SGSM1: variants seen among roughly 807,000 people sequenced by gnomAD.
SGSM1 encodes RUN and TBC1 domain containing 2.
In SGSM1, 73 loss-of-function variants were observed where a neutral mutation model predicts 133.8. The ratio of observed to expected loss-of-function variants is 0.55; its 90% CI spans 0.45 to 0.66. The LOEUF (loss-of-function observed/expected upper bound fraction) is 0.66. Ranked by LOEUF, SGSM1 falls within the 30% of genes least tolerant of loss-of-function variation. The pLI is 0.00. For synonymous variants in SGSM1, 563 were observed against 573.0 expected, an observed-to-expected ratio of 0.98 and a Z score of 0.25; for missense variants, 1,213 against 1,448.1, an observed-to-expected ratio of 0.84 and a Z score of 2.64.
chr22:24,841,637 G>C (rs185198355), intron 2 of SGSM1, among the ~76,000 whole-genome samples: 7 of 152,366 alleles, frequency 4.6e-5, no homozygotes, highest in African/African-American at 1.7e-4. Context: ...TGATTCAGGG[G>C]AGAGGTGATG....
chr22:24,873,376 C>T (rs990407949), intron 12 of SGSM1, among the ~76,000 whole-genome samples: 2 of 152,026 alleles, frequency 1.3e-5, no homozygotes, highest in African/African-American at 2.4e-5. Context: ...GTGTTTTCTA[C>T]GATGTTGAGC....
At chr22:24,905,976 C>G (rs1933363050) in intron 21 of SGSM1, among the ~76,000 whole-genome samples, 1 of 151,954 alleles carries the variant, frequency 6.6e-6, no homozygotes, top group African/African-American at 2.4e-5. Context: ...GAAAACTACA[C>G]ACCAATATCC....
chr22:24,845,999 TTC>T (rs1189818320), intron 3 of SGSM1, among the ~76,000 whole-genome samples: 1 of 140,940 alleles, frequency 7.1e-6, no homozygotes, highest in African/African-American at 2.6e-5. Context: ...CTTTCTTTCT[TTC>T]TTTCTTTCTT....
intron 2 of SGSM1, among the ~76,000 whole-genome samples, chr22:24,808,589 GT>G (rs569265363): frequency 1.5e-4 from 23 of 152,192 alleles, no homozygotes; most frequent in Non-Finnish European, 2.4e-4. Flanking sequence ...TAAGGCAATG[GT>G]TGGTTGAATG....
chr22:24,893,702 G>A (rs1932856659), intron 17 of SGSM1, 89 bp downstream of exon 17: 2 of 1,340,284 alleles, frequency 1.5e-6, no homozygotes, highest in South Asian at 1.6e-5. Flanking sequence ...TGAAGACTGG[G>A]TGTCTGGGGC....
intron 13 of SGSM1, 66 bp downstream of exon 13, chr22:24,876,781 T>C: frequency 6.3e-7 from 1 of 1,596,214 alleles, no homozygotes. Flanking sequence ...TAGATGCCCA[T>C]GTCTTACCCT....
chr22:24,918,738 T>G (rs1374613928), intron 23 of SGSM1, among the ~76,000 whole-genome samples: 1 of 151,914 alleles, frequency 6.6e-6, no homozygotes, highest in African/African-American at 2.4e-5. Context: ...TCTTTTTTTT[T>G]TTCTTTTTTG....
In SGSM1 at chr22:24,874,680, G is replaced by A. The variant is rs941861208; in HGVS notation, c.1292-1897G>A. The A allele has an allele frequency of 6.4e-6, 9 of 1,413,840 alleles. No homozygotes were observed. In the Admixed American group the frequency reaches 7.9e-5, roughly 12 times the overall value. The allele number at this position is 1,413,840 out of a possible 1,614,324, so 87.6% of individuals were successfully genotyped here. ...CCCAAGGGAGATGGAGGCAGGAAGG[G>A]AGATGGAGGCAGAGGGATTGATGCC... is the stretch of plus-strand genomic sequence containing the variant. On this transcript the variant is annotated intron_variant, in intron 12 of 24. Transcript: ENST00000400358.
Position 24,898,170 on chromosome 22 carries a change from G to T in SGSM1, c.2221G>T (p.Ala741Ser). ...SLSTEDSVLDAQRNTPTVLRP... is the reference protein window; with the variant it reads ...SLSTEDSVLDSQRNTPTVLRP... ...GAGCACAGAAGACAGTGTCTTGGACGCCCAGCGGAACACCCCCACGGTGCT... is the reference window on the plus strand; with the variant it reads ...GAGCACAGAAGACAGTGTCTTGGACTCCCAGCGGAACACCCCCACGGTGCT... The change falls in exon 19 of 25, where the codon GCC becomes TCC. Residue 741 changes from alanine (A) to serine (S), a missense_variant. Ala to Ser is a moderately conservative substitution (Grantham distance 99, BLOSUM62 1). Coordinates refer to ENST00000400358, the MANE Select transcript of SGSM1 (RefSeq NM_001098497.3). 1.2e-6 allele frequency: 2 copies of T among 1,613,962 alleles called. No individual in the cohort carries two copies. Among genetic ancestry groups the T allele is most frequent in the Non-Finnish European group, 8.5e-7 (1 of 1,179,874 alleles).
intron 3 of SGSM1, among the ~76,000 whole-genome samples, chr22:24,845,973 C>CT (rs370281022): frequency 1.4e-5 from 2 of 143,656 alleles, no homozygotes; most frequent in African/African-American, 5.4e-5. Flanking sequence ...TTCTTTCTTT[C>CT]TTTCTTTCTT....
At chr22:24,924,014 A>G (rs2123757441) in intron 24 of SGSM1, among the ~76,000 whole-genome samples, 172 bp from the exon 25 acceptor site, 1 of 152,206 alleles carries the variant, frequency 6.6e-6, no homozygotes, top group Non-Finnish European at 1.5e-5. Flanking sequence ...TCCAATCCCC[A>G]TTTTACAGAT....
Position 24,898,282 on chromosome 22 carries a change from T to A in SGSM1, c.2333T>A (p.Val778Glu). 1 of 1,613,892 alleles carries A rather than the reference T, an allele frequency of 6.2e-7. No individual in the cohort carries two copies. The highest frequency in any genetic ancestry group is 1.1e-5 in the South Asian group (1 of 91,072). Reference sequence around the variant, plus strand: ...GAGGCTCCCCGGGAGGAGCTGGCCGTGCAGGACAGCCTGGAGAGTGACCTC... The same window carrying A: ...GAGGCTCCCCGGGAGGAGCTGGCCGAGCAGGACAGCCTGGAGAGTGACCTC... ...QDEAPREELA[V>E]QDSLESDLLA... Residue 778 changes from valine to glutamate, a missense_variant, in exon 19 of 25, where the codon GTG (valine) becomes GAG (glutamate). Val to Glu is a moderately radical substitution (Grantham distance 121). Coordinates refer to ENST00000400358, the MANE Select transcript of SGSM1 (RefSeq NM_001098497.3).
intron 2 of SGSM1, among the ~76,000 whole-genome samples, chr22:24,814,537 G>C (rs1481414398): frequency 1.3e-5 from 2 of 152,142 alleles, no homozygotes; most frequent in African/African-American, 4.8e-5. Context: ...TCCACCGAGA[G>C]TGTGGGGTCA....
chr22:24,869,858 G>A (rs1017113895), intron 12 of SGSM1, among the ~76,000 whole-genome samples: 3 of 152,252 alleles, frequency 2.0e-5, no homozygotes, highest in African/African-American at 7.2e-5. Flanking sequence ...CCATTGCAGG[G>A]CTATGGTGAG....
At chr22:24,860,925 ATAT>A (rs1931111473) in intron 9 of SGSM1, among the ~76,000 whole-genome samples, 1 of 90,226 alleles carries the variant, frequency 1.1e-5, no homozygotes, top group Non-Finnish European at 2.1e-5. Context: ...AAAAAAAAAT[ATAT>A]ATATATATAT....
intron 2 of SGSM1, among the ~76,000 whole-genome samples, chr22:24,819,381 G>A (rs1395960829): frequency 1.3e-5 from 2 of 152,162 alleles, no homozygotes; most frequent in Non-Finnish European, 2.9e-5. Flanking sequence ...GGGACAGCAC[G>A]GGTATAGAGC....
At chr22:24,909,272 T>A (rs971429808) in intron 21 of SGSM1, among the ~76,000 whole-genome samples, 14 of 152,096 alleles carry the variant, frequency 9.2e-5, no homozygotes, top group Non-Finnish European at 1.8e-4. Flanking sequence ...CTGTTCTACA[T>A]CGTTACTCAT....
chr22:24,863,197 G>A (rs761783742), intron 9 of SGSM1, among the ~76,000 whole-genome samples: 4 of 152,078 alleles, frequency 2.6e-5, no homozygotes, highest in South Asian at 2.1e-4. Context: ...TTGCTCTGTC[G>A]CCAAACTAGA....
At chr22:24,822,544 A>G (rs1318271234) in intron 2 of SGSM1, among the ~76,000 whole-genome samples, 1 of 152,180 alleles carries the variant, frequency 6.6e-6, no homozygotes, top group Non-Finnish European at 1.5e-5. Flanking sequence ...AAGATAGGAC[A>G]TTTCTTTTTA....
Sources: gnomAD v4.1 joint callset for allele counts (sites outside exome capture counted in the v4.1 genomes callset) on GRCh38, gnomAD v4.1.1 for gene constraint, MANE v1.5 for transcripts, NCBI Gene and HGNC (gene_info 2026-07-23, HGNC 2026-07-21) for gene names.